The following RAP1GDS1 variants were observed in gnomAD, a reference collection of about 807,000 sequenced individuals.
RAP1GDS1 encodes the protein RAP1, GTP-GDP dissociation stimulator 1.
RAP1GDS1 carries 35 observed loss-of-function variants against 71.1 expected under a neutral mutation model. That is an observed-to-expected ratio of 0.49 (90% CI 0.38 to 0.65). RAP1GDS1 has a LOEUF of 0.65. RAP1GDS1 is among the 30% of genes least tolerant of loss of function. The probability of loss-of-function intolerance (pLI) is 0.00; values close to 1 mark genes in which losing one functional copy is unlikely to be tolerated. For synonymous variants in RAP1GDS1, 229 were observed against 243.1 expected (o/e 0.94, Z 0.54); for missense variants, 663 against 706.1 (o/e 0.94, Z 0.69).
At chr4:98,340,916 C>T (rs931747885) in intron 2 of RAP1GDS1, among the ~76,000 whole-genome samples, 2 of 151,950 alleles carry the variant, frequency 1.3e-5, no homozygotes, top group Non-Finnish European at 1.5e-5. Flanking sequence ...AACTACCTAT[C>T]GGGTACTATG....
rs376264971 is a variant in RAP1GDS1 at position 98,343,143 on chromosome 4, G to A, written c.117G>A (p.Thr39=). 1.2e-5 allele frequency: 20 copies of A among 1,607,484 alleles called. No individual in the cohort carries two copies. Among genetic ancestry groups the A allele is most frequent in the African/African-American group, 1.3e-5 (1 of 74,618 alleles). The change falls in exon 3 of 15, where the codon ACG becomes ACA. Residue 39 remains threonine, a synonymous_variant. Coordinates refer to ENST00000408927, the MANE Select transcript of RAP1GDS1 (RefSeq NM_001100427.2). ...CLLQALAQNN[T]ETSEKIQASG... is the part of the protein sequence containing the mutation. ...CTTTGTATGTATCTCTTTTAGATAC[G>A]GAAACAAGTGAAAAAATCCAAGCAA...
intron 6 of RAP1GDS1, chr4:98,392,379 C>G: frequency 4.7e-6 from 1 of 212,210 alleles, no homozygotes. Context: ...TGACTTTAAT[C>G]TTTTTACATG....
chr4:98,308,265 C>A (rs950372750), intron 2 of RAP1GDS1, among the ~76,000 whole-genome samples: 2 of 139,638 alleles, frequency 1.4e-5, no homozygotes, highest in Admixed American at 7.5e-5. Flanking sequence ...TATATACACA[C>A]ACACCCACAC....
At chr4:98,399,351 C>CA (rs755205366) in intron 6 of RAP1GDS1, among the ~76,000 whole-genome samples, 2 of 152,130 alleles carry the variant, frequency 1.3e-5, no homozygotes, top group Non-Finnish European at 2.9e-5. Context: ...CCAAGGAACT[C>CA]AAACATCTCA....
rs935734532 is a variant in RAP1GDS1 at position 98,442,264 on chromosome 4, C to T, written c.*147C>T. ...TTGAAGAACCGCTGTAGGTACCTCCCTAATAAGATTTCTAAACCTATAGTT... is the reference window on the plus strand; with the variant it reads ...TTGAAGAACCGCTGTAGGTACCTCCTTAATAAGATTTCTAAACCTATAGTT... On this transcript the variant is annotated 3_prime_UTR_variant, in exon 15 of 15. Transcript: ENST00000408927. 17 of 1,108,592 alleles carry T rather than the reference C, an allele frequency of 1.5e-5. No homozygotes were observed. In the African/African-American group the frequency reaches 2.5e-4, roughly 16 times the overall value. 68.7% of individuals were successfully genotyped at this position (1,108,592 alleles called of 1,614,324 possible).
intron 1 of RAP1GDS1, among the ~76,000 whole-genome samples, chr4:98,288,481 G>A (rs369172422): frequency 6.6e-6 from 1 of 152,144 alleles, no homozygotes; most frequent in South Asian, 2.1e-4. Context: ...GAATAGTGCC[G>A]CAGTAAACAT....
At chr4:98,324,821 G>A (rs1411587010) in intron 2 of RAP1GDS1, among the ~76,000 whole-genome samples, 2 of 151,736 alleles carry the variant, frequency 1.3e-5, no homozygotes, top group East Asian at 3.9e-4. Context: ...AAAAACCCTA[G>A]AAGAAAACCT....
chr4:98,290,061 G>A (rs1397506347), intron 1 of RAP1GDS1, among the ~76,000 whole-genome samples: 2 of 152,078 alleles, frequency 1.3e-5, no homozygotes, highest in African/African-American at 4.8e-5. Context: ...AGCAGTTCTT[G>A]TGTACTTGTC....
rs1469284589 is a variant in RAP1GDS1 at position 98,443,448 on chromosome 4, AC to A, written c.*1334del. 1 of 230,190 alleles carries A rather than the reference AC, an allele frequency of 4.3e-6. No homozygotes were observed. The highest frequency in any genetic ancestry group is 8.6e-6 in the Non-Finnish European group (1 of 116,234). The allele number at this position is 230,190 out of a possible 1,614,324, so 14.3% of individuals were successfully genotyped here. A position where few individuals can be genotyped will look rare whatever the true frequency, so the allele number is the denominator to read the frequency against. ...TGTGACCCACCTGCCTTCTCCCCAT[AC>A]CCAAATTTGACCACTACTGGCCTAA... On this transcript the variant is annotated 3_prime_UTR_variant, in exon 15 of 15. Coordinates refer to ENST00000408927, the MANE Select transcript of RAP1GDS1 (RefSeq NM_001100427.2).
chr4:98,320,354 G>C (rs1731632326), intron 2 of RAP1GDS1, among the ~76,000 whole-genome samples: 1 of 152,164 alleles, frequency 6.6e-6, no homozygotes, highest in Non-Finnish European at 1.5e-5. Flanking sequence ...TGTGTTTTTT[G>C]TAGCCAGAGT....
intron 2 of RAP1GDS1, among the ~76,000 whole-genome samples, chr4:98,331,656 A>T (rs941105867): frequency 1.3e-5 from 2 of 152,160 alleles, no homozygotes; most frequent in African/African-American, 4.8e-5. Flanking sequence ...CCATTTGACA[A>T]TGTTTCTTAT....
At chr4:98,281,514 A>C (rs1007146835) in intron 1 of RAP1GDS1, among the ~76,000 whole-genome samples, 4 of 152,128 alleles carry the variant, frequency 2.6e-5, no homozygotes, top group Non-Finnish European at 4.4e-5. Flanking sequence ...TTGGGCTGAG[A>C]TGATGGGGTT....
rs542401457 is a variant in RAP1GDS1, at chr4:98,290,095, A to G, written c.5-3313A>G. ...TCTCCTGTCGGTTTTATCATCAGCAATGGTATAATTGTCCAAAGATAACAA... is the reference window on the plus strand; with the variant it reads ...TCTCCTGTCGGTTTTATCATCAGCAGTGGTATAATTGTCCAAAGATAACAA... On this transcript the variant is annotated intron_variant, in intron 1 of 14. Transcript: ENST00000408927. Among the ~76,000 whole-genome samples, 7 of 152,258 alleles carry G rather than the reference A, an allele frequency of 4.6e-5. No homozygotes were observed. In the South Asian group the frequency reaches 1.5e-3, roughly 32 times the overall value.
At chr4:98,387,526 G>T (rs1742948538) in intron 5 of RAP1GDS1, 2 of 453,388 alleles carry the variant, frequency 4.4e-6, no homozygotes, top group Non-Finnish European at 8.9e-6. Flanking sequence ...TCACACCAGC[G>T]CATGCGTTGA....
chr4:98,381,540 G>A lies in RAP1GDS1; in HGVS notation c.508+2377G>A, dbSNP rs928233810. ...CATCTTTACTGACTCAGATTGTTTG[G>A]TATTGATCATGTGTACCTAGATAAG... On this transcript the variant is annotated intron_variant, in intron 5 of 14. Coordinates refer to ENST00000408927, the MANE Select transcript of RAP1GDS1 (RefSeq NM_001100427.2). 6.0e-4 allele frequency among the ~76,000 whole-genome samples: 91 copies of A among 151,450 alleles called. 1 individual carries two copies. Among genetic ancestry groups the A allele is most frequent in the Non-Finnish European group, 1.5e-4 (10 of 67,614 alleles).
intron 3 of RAP1GDS1, among the ~76,000 whole-genome samples, chr4:98,348,700 C>T (rs912354957): frequency 1.2e-4 from 18 of 152,140 alleles, no homozygotes; most frequent in African/African-American, 4.3e-4. Flanking sequence ...TTTTGATTTG[C>T]ATTTATCTGA....
At chr4:98,318,178 A>G (rs1229248276) in intron 2 of RAP1GDS1, among the ~76,000 whole-genome samples, 2 of 151,924 alleles carry the variant, frequency 1.3e-5, no homozygotes, top group East Asian at 1.9e-4. Flanking sequence ...GAATCTAGCC[A>G]CTCTGGATAA....
At chr4:98,263,704 TG>T (rs1260697342) in intron 1 of RAP1GDS1, among the ~76,000 whole-genome samples, 2 of 152,238 alleles carry the variant, frequency 1.3e-5, no homozygotes, top group African/African-American at 4.8e-5. Flanking sequence ...AGTAAATCTT[TG>T]GCAAATTGTT....
chr4:98,286,635 A>C (rs1323891196), intron 1 of RAP1GDS1, among the ~76,000 whole-genome samples: 1 of 152,100 alleles, frequency 6.6e-6, no homozygotes, highest in African/African-American at 2.4e-5. Flanking sequence ...CTATAATCCT[A>C]GCACTTTGGG....
Sources: gnomAD v4.1 joint callset for allele counts (sites outside exome capture counted in the v4.1 genomes callset) on GRCh38, gnomAD v4.1.1 for gene constraint, MANE v1.5 for transcripts, NCBI Gene and HGNC (gene_info 2026-07-23, HGNC 2026-07-21) for gene names.